Variants in ESRP1 observed in about 807,000 individuals in gnomAD.
ESRP1 encodes epithelial splicing regulatory protein 1.
ESRP1 carries 33 observed loss-of-function variants against 81.7 expected under a neutral mutation model. That is an observed-to-expected ratio of 0.40 (90% CI 0.31 to 0.54). The LOEUF is 0.54. Among genes scored for constraint, ESRP1 ranks in the 20% least tolerant of loss-of-function variants. The pLI, the probability that ESRP1 is intolerant of heterozygous loss-of-function variation, is 0.41. For missense variants in ESRP1, 672 were observed against 833.1 expected, an observed-to-expected ratio of 0.81 and a Z score of 2.38; for synonymous variants, 320 against 303.3, an observed-to-expected ratio of 1.06 and a Z score of -0.57.
chr8:94,659,546 T>C (rs1016072294), intron 4 of ESRP1, among the ~76,000 whole-genome samples: 1 of 152,184 alleles, frequency 6.6e-6, no homozygotes, highest in Admixed American at 6.5e-5. Context: ...ACCTTTCAAA[T>C]GAAAGTAAGA....
intron 13 of ESRP1, among the ~76,000 whole-genome samples, chr8:94,689,187 G>A (rs1434748730): frequency 7.2e-6 from 1 of 139,512 alleles, no homozygotes; most frequent in Non-Finnish European, 1.5e-5. Context: ...GGAGGCAGAT[G>A]TTGTAGTGAG....
intron 13 of ESRP1, among the ~76,000 whole-genome samples, chr8:94,689,788 C>G (rs6471460): frequency 0.33 from 45,432 of 138,242 alleles, 8,630 homozygotes; most frequent in East Asian, 0.57. Flanking sequence ...GCTGGAATCA[C>G]AGGCATGTGC....
chr8:94,671,732 TAATATTAGATATTAGATAATCTATTAGA>T, intron 11 of ESRP1, 61 bp downstream of exon 11: 7 of 1,095,662 alleles, frequency 6.4e-6, no homozygotes, highest in Non-Finnish European at 9.2e-6. Context: ...GAGAAATATC[TAATATTAGATATTAGATAATCTATTAGA>T]AATATCTAAT....
chr8:94,689,973 T>C (rs1417857866), intron 13 of ESRP1, among the ~76,000 whole-genome samples: 1 of 151,770 alleles, frequency 6.6e-6, no homozygotes, highest in African/African-American at 2.4e-5. Flanking sequence ...CCCACCACCA[T>C]GCTCGGCTAA....
chr8:94,662,448 C>A, intron 5 of ESRP1, 53 bp from the exon 6 acceptor site: 1 of 1,560,964 alleles, frequency 6.4e-7, no homozygotes, highest in Non-Finnish European at 8.7e-7. Flanking sequence ...TTTCCTCCTA[C>A]AACTTTGTCT....
chr8:94,668,099 T>C lies in ESRP1; in HGVS notation c.1082T>C (p.Phe361Ser). The change falls in exon 10 of 16, where the codon TTT becomes TCT. Residue 361 changes from phenylalanine (F) to serine (S), a missense_variant. Transcript: ENST00000433389. ...ACTGGGGGAAAGGAAGGCATCCTCT[T>C]TGTCACCTACCCAGATGGTAGGCCA... ...PITGGKEGIL[F>S]VTYPDGRPTG... The C allele has an allele frequency of 2.5e-6, 4 of 1,613,990 alleles. No homozygotes were observed. The highest frequency in any genetic ancestry group is 3.4e-6 in the Non-Finnish European group (4 of 1,179,880).
intron 11 of ESRP1, among the ~76,000 whole-genome samples, chr8:94,672,285 G>C (rs780178096): frequency 6.6e-6 from 1 of 152,012 alleles, no homozygotes; most frequent in Non-Finnish European, 1.5e-5. Flanking sequence ...ATACCACCTA[G>C]AAAGAACAGT....
intron 13 of ESRP1, among the ~76,000 whole-genome samples, chr8:94,687,583 T>C (rs951372217): frequency 6.6e-6 from 1 of 152,242 alleles, no homozygotes; most frequent in Non-Finnish European, 1.5e-5. Flanking sequence ...CTGTAATTGC[T>C]TTCCAATTCT....
chr8:94,643,271 G>C (rs1312337855), intron 2 of ESRP1, 32 bp from the exon 3 acceptor site: 2 of 1,428,368 alleles, frequency 1.4e-6, no homozygotes, highest in Non-Finnish European at 2.0e-6. Context: ...TCGTGCATCA[G>C]TTGCATCCCT....
chr8:94,676,218 G>A (rs913971761), intron 12 of ESRP1, among the ~76,000 whole-genome samples: 4 of 151,944 alleles, frequency 2.6e-5, no homozygotes, highest in Admixed American at 6.6e-5. Context: ...AAAAATTGCC[G>A]GGAGTGGTGG....
chr8:94,675,016 C>CA (rs1466232523), intron 12 of ESRP1, among the ~76,000 whole-genome samples: 6 of 152,094 alleles, frequency 3.9e-5, no homozygotes, highest in South Asian at 4.2e-4. Flanking sequence ...TGAGCAAAAA[C>CA]AAAAAACAAA....
rs1265197536 is a variant in ESRP1, at chr8:94,641,791, CG to C, written c.133-159del. The C allele has an allele frequency of 1.0e-4, 90 of 870,258 alleles. No homozygotes were observed. The African/African-American group carries it at 2.4e-3, about 23-fold the overall frequency. 53.9% of individuals were successfully genotyped at this position (870,258 alleles called of 1,614,324 possible). ...CCGACCTATCGGGTGGGGGGTGGGGCGGGGGGCAGGAACGCACCGGAACCGA... is the reference window on the plus strand; with the variant it reads ...CCGACCTATCGGGTGGGGGGTGGGGCGGGGGCAGGAACGCACCGGAACCGA... On this transcript the variant is annotated intron_variant, in intron 1 of 15. Transcript: ENST00000433389.
At chr8:94,654,858 G>A (rs1443433686) in intron 4 of ESRP1, among the ~76,000 whole-genome samples, 1 of 150,572 alleles carries the variant, frequency 6.6e-6, no homozygotes, top group African/African-American at 2.4e-5. Context: ...TTGAGCCCAG[G>A]ATGTCAAAGC....
chr8:94,656,676 C>A (rs961334772), intron 4 of ESRP1, among the ~76,000 whole-genome samples: 12 of 152,112 alleles, frequency 7.9e-5, no homozygotes, highest in Admixed American at 2.6e-4. Flanking sequence ...AGTCTGGCAG[C>A]ATGAAATTGT....
In ESRP1 at chr8:94,703,106, TTG is replaced by T. The variant is rs1319735793; in HGVS notation, c.*36-2817_*36-2816del. 9.7e-4 allele frequency among the ~76,000 whole-genome samples: 99 copies of T among 101,948 alleles called. No individual in the cohort carries two copies. The Middle Eastern group carries it at 0.022, about 23-fold the overall frequency. The allele number at this position is 101,948 out of a possible 152,430, so 66.9% of individuals were successfully genotyped here. A position where few individuals can be genotyped will look rare whatever the true frequency, so the allele number is the denominator to read the frequency against. On this transcript the variant is annotated intron_variant, in intron 15 of 15. Coordinates refer to ENST00000433389, the MANE Select transcript of ESRP1 (RefSeq NM_017697.4). ...AAACATTATCTCCTTCTGAGATTGA[TTG>T]TTTTTTTTTTTTTTTTGCTAGCAGT...
At position 94,641,283 on chromosome 8, in the gene ESRP1, T is replaced by TC; in HGVS notation, c.-33dup. 4.5e-6 allele frequency: 7 copies of TC among 1,551,512 alleles called. No homozygotes were observed. Among genetic ancestry groups the TC allele is most frequent in the Non-Finnish European group, 6.2e-6 (7 of 1,131,502 alleles). On this transcript the variant is annotated 5_prime_UTR_variant, in exon 1 of 16. Coordinates refer to ENST00000433389, the MANE Select transcript of ESRP1 (RefSeq NM_017697.4). ...CTCACTTCCACACCACCTTACCGCC[T>TC]CCCGACCCCCCCTCTCCCCCTCCCC...
chr8:94,665,991 T>C (rs1361755974), intron 9 of ESRP1, among the ~76,000 whole-genome samples: 4 of 152,192 alleles, frequency 2.6e-5, no homozygotes, highest in African/African-American at 9.7e-5. Context: ...GTGGAACAGA[T>C]GTGGTTTTTA....
chr8:94,700,005 A>T lies in ESRP1; in HGVS notation c.*35+3044A>T, dbSNP rs114890224. ...ATATCCACAGTTTCATTTGAGACCC[A>T]CCATAACCCTGCAAAGAGGCATCAT... is the stretch of plus-strand genomic sequence containing the variant. On this transcript the variant is annotated intron_variant, in intron 15 of 15. Coordinates refer to ENST00000433389, the MANE Select transcript of ESRP1 (RefSeq NM_017697.4). Among the ~76,000 whole-genome samples the T allele has an allele frequency of 3.9e-3, 599 of 152,302 alleles. 4 individuals carry two copies. Among genetic ancestry groups the T allele is most frequent in the African/African-American group, 0.014 (579 of 41,562 alleles).
At chr8:94,667,152 T>C (rs1586207007) in intron 9 of ESRP1, among the ~76,000 whole-genome samples, 1 of 150,724 alleles carries the variant, frequency 6.6e-6, no homozygotes, top group African/African-American at 2.4e-5. Flanking sequence ...TCTGCGGCGG[T>C]GTTTGCAGTG....
Sources: gnomAD v4.1 joint callset for allele counts (sites outside exome capture counted in the v4.1 genomes callset) on GRCh38, gnomAD v4.1.1 for gene constraint, MANE v1.5 for transcripts, NCBI Gene and HGNC (gene_info 2026-07-23, HGNC 2026-07-21) for gene names.